Variants in DTYMK observed in about 807,000 individuals in gnomAD.
DTYMK encodes the protein deoxythymidylate kinase, also known as thymidylate kinase.
Under a neutral mutation model 20.3 loss-of-function variants are expected in DTYMK, and 20 were observed. The ratio of observed to expected loss-of-function variants is 0.99; its 90% CI spans 0.69 to 1.43. The LOEUF is 1.43. Ranked by LOEUF, DTYMK falls within the 40% of genes most tolerant of loss-of-function variation. The pLI, the probability that DTYMK is intolerant of heterozygous loss-of-function variation, is 0.00. For synonymous variants in DTYMK, 148 were observed against 124.4 expected, an observed-to-expected ratio of 1.19 and a Z score of -1.27; for missense variants, 320 against 291.1, an observed-to-expected ratio of 1.10 and a Z score of -0.72.
rs112381911 is a variant in DTYMK, at chr2:241,676,105, G to C, written c.*22C>G. The C allele has an allele frequency of 6.3e-7, 1 of 1,583,364 alleles. No homozygotes were observed. On this transcript the variant is annotated 3_prime_UTR_variant, in exon 5 of 5. Coordinates refer to ENST00000305784, the MANE Select transcript of DTYMK (RefSeq NM_012145.4). ...CTCTCGGGGGACTGCAGGGAGAGGC[G>C]TCTCCAGTGGGCAGCCTTGGGTCAC...
chr2:241,678,619 C>G lies in DTYMK; in HGVS notation c.361G>C (p.Asp121His). The G allele has an allele frequency of 6.2e-7, 1 of 1,614,122 alleles. No homozygotes were observed. Among genetic ancestry groups the G allele is most frequent in the Non-Finnish European group, 8.5e-7 (1 of 1,180,042 alleles). The change falls in exon 4 of 5, where the codon GAC becomes CAC. Residue 121 changes from aspartate to histidine, a missense_variant. By Grantham distance (81) the Asp-to-His change is moderately conservative (BLOSUM62 -1). Transcript: ENST00000305784. ...AGGTCGGGTTTGGGAAGGCCCACGTCTGGCTGTTTACACCAATCTAGGGAA... is the reference window on the plus strand; with the variant it reads ...AGGTCGGGTTTGGGAAGGCCCACGTGTGGCTGTTTACACCAATCTAGGGAA... Reference protein sequence around the residue: ...NFSLDWCKQPDVGLPKPDLVL... With the variant: ...NFSLDWCKQPHVGLPKPDLVL...
At position 241,685,650 on chromosome 2, in the gene DTYMK, G is replaced by A. The variant is rs557778833; in HGVS notation, c.239+119C>T. 89 of 1,105,918 alleles carry A rather than the reference G, an allele frequency of 8.0e-5. No individual in the cohort carries two copies. The African/African-American group carries it at 1.2e-3, about 15-fold the overall frequency. 68.5% of individuals were successfully genotyped at this position (1,105,918 alleles called of 1,614,324 possible). A position where few individuals can be genotyped will look rare whatever the true frequency, so the allele number is the denominator to read the frequency against. On this transcript the variant is annotated intron_variant, in intron 2 of 4. Transcript: ENST00000305784. ...CCTCTGCCCACAGGACTGCTAAACA[G>A]AAGAACATCAGGCCCAGCACTACTG...
At position 241,686,814 on chromosome 2, in the gene DTYMK, A is replaced by G. The variant is rs968194268; in HGVS notation, c.-31T>C. Reference sequence around the variant, plus strand: ...TCCACCGCCCGCCGCTGGCGTCTCCACGCAGCCTTCCGGAGCTCCCATTGG... The same window carrying G: ...TCCACCGCCCGCCGCTGGCGTCTCCGCGCAGCCTTCCGGAGCTCCCATTGG... On this transcript the variant is annotated 5_prime_UTR_variant, in exon 1 of 5. Coordinates refer to ENST00000305784, the MANE Select transcript of DTYMK (RefSeq NM_012145.4). 2.1e-6 allele frequency: 3 copies of G among 1,431,802 alleles called. No individual in the cohort carries two copies. Among genetic ancestry groups the G allele is most frequent in the Non-Finnish European group, 2.7e-6 (3 of 1,102,354 alleles). The allele number at this position is 1,431,802 out of a possible 1,614,324, so 88.7% of individuals were successfully genotyped here. A position where few individuals can be genotyped will look rare whatever the true frequency, so the allele number is the denominator to read the frequency against.
chr2:241,683,040 GC>G (rs1415620928), intron 2 of DTYMK: 1 of 152,942 alleles, frequency 6.5e-6, no homozygotes. Context: ...GCTGCAGTGA[GC>G]CAAGACCGTG....
intron 4 of DTYMK, among the ~76,000 whole-genome samples, chr2:241,676,810 C>T (rs751619753): frequency 3.3e-5 from 5 of 152,232 alleles, no homozygotes; most frequent in Admixed American, 2.0e-4. Flanking sequence ...CCCTCCAGCT[C>T]GCAAGCGGCG....
At chr2:241,678,385 C>T in intron 4 of DTYMK, 67 bp downstream of exon 4, 1 of 1,598,786 alleles carries the variant, frequency 6.3e-7, no homozygotes. Context: ...ACAACTGTGC[C>T]AGCCACCACG....
intron 2 of DTYMK, among the ~76,000 whole-genome samples, chr2:241,684,067 C>T (rs563583452): frequency 1.8e-4 from 27 of 151,708 alleles, no homozygotes; most frequent in African/African-American, 6.5e-4. Context: ...CAAAAAAAAC[C>T]AAAACAAAAC....
chr2:241,686,723 T>G lies in DTYMK; in HGVS notation c.61A>C (p.Thr21Pro). The G allele has an allele frequency of 1.3e-6, 2 of 1,546,346 alleles. No individual in the cohort carries two copies. The highest frequency in any genetic ancestry group is 1.7e-6 in the Non-Finnish European group (2 of 1,159,240). Residue 21 changes from threonine to proline, a missense_variant, in exon 1 of 5, where the codon ACG becomes CCG. Coordinates refer to ENST00000305784, the MANE Select transcript of DTYMK (RefSeq NM_012145.4). ...LEGVDRAGKS[T>P]QSRKLVEALC... ...GCTTCCACCAGCTTGCGGCTCTGCG[T>G]GCTCTTCCCGGCGCGGTCCACGCCC...
intron 2 of DTYMK, chr2:241,682,314 G>A: frequency 2.3e-6 from 1 of 438,436 alleles, no homozygotes; most frequent in Non-Finnish European, 4.6e-6. Flanking sequence ...CACTCAGCCT[G>A]CATGACACAG....
rs775575122 is a variant in DTYMK at position 241,680,204 on chromosome 2, T to C, written c.330+25A>G. ...CTGGGTCCACACATCTGTGCTCGCCTGACAGGAGGCCAAGTGGCACTCACC... is the reference window on the plus strand; with the variant it reads ...CTGGGTCCACACATCTGTGCTCGCCCGACAGGAGGCCAAGTGGCACTCACC... On this transcript the variant is annotated intron_variant, in intron 3 of 4. Coordinates refer to ENST00000305784, the MANE Select transcript of DTYMK (RefSeq NM_012145.4). 4 of 1,613,246 alleles carry C rather than the reference T, an allele frequency of 2.5e-6. No homozygotes were observed. In the Admixed American group the frequency reaches 6.7e-5, roughly 27 times the overall value.
In DTYMK at chr2:241,678,488, G is replaced by T; in HGVS notation, c.492C>A (p.Phe164Leu). The change falls in exon 4 of 5, where the codon TTC becomes TTA. Residue 164 changes from phenylalanine (F) to leucine (L), a missense_variant. Transcript: ENST00000305784. ...AAGTCGTGTCTTTCATGAGCTGGTG[G>T]AAACACCGGAGCGCCCGCTCCTGGA... ...GAFQERALRC[F>L]HQLMKDTTLN... 6.2e-7 allele frequency: 1 copy of T among 1,614,136 alleles called. No homozygotes were observed. Among genetic ancestry groups the T allele is most frequent in the African/African-American group, 1.3e-5 (1 of 75,030 alleles).
Position 241,680,785 on chromosome 2 carries a change from C to T in DTYMK, c.240-466G>A, listed in dbSNP as rs149901465. Among the ~76,000 whole-genome samples, 115 of 152,326 alleles carry T rather than the reference C, an allele frequency of 7.5e-4. 1 individual carries two copies. Among genetic ancestry groups the T allele is most frequent in the African/African-American group, 2.7e-3 (112 of 41,586 alleles). On this transcript the variant is annotated intron_variant, in intron 2 of 4. Transcript: ENST00000305784. ...TTTAATCCAAAAAGGTCTGGATCTT[C>T]TCTAGAAGATGCCATACCCACACCT...
intron 1 of DTYMK, 53 bp downstream of exon 1, chr2:241,686,601 G>C (rs1287418288): frequency 7.3e-5 from 105 of 1,441,734 alleles, no homozygotes; most frequent in Non-Finnish European, 9.2e-5. Flanking sequence ...AAGAGCCCCT[G>C]GGAAGGCAGA....
intron 2 of DTYMK, among the ~76,000 whole-genome samples, chr2:241,680,933 G>C (rs1274128972): frequency 6.6e-6 from 1 of 152,174 alleles, no homozygotes; most frequent in Non-Finnish European, 1.5e-5. Context: ...CTTGGTCAGA[G>C]AGGCCAGCTC....
chr2:241,686,725 C>G lies in DTYMK; in HGVS notation c.59G>C (p.Ser20Thr). 3 of 1,546,090 alleles carry G rather than the reference C, an allele frequency of 1.9e-6. No homozygotes were observed. Among genetic ancestry groups the G allele is most frequent in the African/African-American group, 1.4e-5 (1 of 70,326 alleles). Reference protein sequence around the residue: ...VLEGVDRAGKSTQSRKLVEAL... With the variant: ...VLEGVDRAGKTTQSRKLVEAL... Reference sequence around the variant, plus strand: ...TTCCACCAGCTTGCGGCTCTGCGTGCTCTTCCCGGCGCGGTCCACGCCCTC... The same window carrying G: ...TTCCACCAGCTTGCGGCTCTGCGTGGTCTTCCCGGCGCGGTCCACGCCCTC... Residue 20 changes from serine (S) to threonine (T), a missense_variant, in exon 1 of 5, where the codon AGC (serine) becomes ACC (threonine). Coordinates refer to ENST00000305784, the MANE Select transcript of DTYMK (RefSeq NM_012145.4).
intron 3 of DTYMK, among the ~76,000 whole-genome samples, chr2:241,679,639 G>A (rs762100625): frequency 1.2e-4 from 18 of 150,528 alleles, no homozygotes; most frequent in South Asian, 6.3e-4. Context: ...TTCAAAAAAC[G>A]GGGGAAAAAA....
At chr2:241,680,132 C>T in intron 3 of DTYMK, 97 bp downstream of exon 3, 2 of 1,146,608 alleles carry the variant, frequency 1.7e-6, no homozygotes, top group Non-Finnish European at 1.3e-6. Flanking sequence ...CGAAACTCTG[C>T]AGAGTAATCT....
At chr2:241,680,112 A>G (rs370036391) in intron 3 of DTYMK, 117 bp downstream of exon 3, 4 of 905,126 alleles carry the variant, frequency 4.4e-6, no homozygotes, top group South Asian at 3.2e-5. Context: ...TAAAAGGAAT[A>G]TAAGAATCAC....
chr2:241,680,135 A>G (rs1238130510), intron 3 of DTYMK, 94 bp downstream of exon 3: 3 of 1,169,878 alleles, frequency 2.6e-6, no homozygotes, highest in Non-Finnish European at 3.8e-6. Context: ...AACTCTGCAG[A>G]GTAATCTGAG....
Sources: allele counts gnomAD v4.1 joint callset (sites outside exome capture counted in the v4.1 genomes callset), GRCh38; gene constraint gnomAD v4.1.1; transcripts MANE v1.5; gene names NCBI Gene and HGNC (gene_info 2026-07-23, HGNC 2026-07-21).